The following PPARGC1A variants were observed in gnomAD, a reference collection of about 807,000 sequenced individuals.
The protein encoded by PPARGC1A is PPARG coactivator 1 alpha.
PPARGC1A carries 25 observed loss-of-function variants against 88.7 expected under a neutral mutation model. The ratio of observed to expected loss-of-function variants is 0.28; its 90% CI spans 0.21 to 0.39. The LOEUF is 0.39. PPARGC1A is among the 10% of genes least tolerant of loss of function. PPARGC1A has a pLI of 1.00. For synonymous variants in PPARGC1A, 363 were observed against 355.6 expected, an observed-to-expected ratio of 1.02 and a Z score of -0.24; for missense variants, 880 against 968.7, an observed-to-expected ratio of 0.91 and a Z score of 1.22.
chr4:23,868,602 C>T (rs1202121030), intron 2 of PPARGC1A, among the ~76,000 whole-genome samples: 2 of 152,170 alleles, frequency 1.3e-5, no homozygotes, highest in Non-Finnish European at 2.9e-5. Flanking sequence ...AGCCAAAAAG[C>T]TATTACTTAG....
At chr4:24,055,240 G>C in the PPARGC1A span, among the ~76,000 whole-genome samples, 1 of 152,172 alleles carries the variant, frequency 6.6e-6, no homozygotes, top group Non-Finnish European at 1.5e-5. Context: ...CCACAGTTCT[G>C]TTTCATGGGC....
chr4:23,967,264 T>C, the PPARGC1A span, among the ~76,000 whole-genome samples: 1 of 152,120 alleles, frequency 6.6e-6, no homozygotes, highest in East Asian at 1.9e-4. Context: ...ATTAAAGCAA[T>C]GACAATCCAC....
At chr4:24,286,721 C>T in the PPARGC1A span, among the ~76,000 whole-genome samples, 1 of 152,198 alleles carries the variant, frequency 6.6e-6, no homozygotes, top group East Asian at 1.9e-4. Flanking sequence ...TAACAAATCA[C>T]CCCAAACTTT....
intron 2 of PPARGC1A, among the ~76,000 whole-genome samples, chr4:23,856,462 G>C (rs1730215173): frequency 6.6e-6 from 1 of 152,234 alleles, no homozygotes; most frequent in Non-Finnish European, 1.5e-5. Context: ...GACACTCGGA[G>C]AAGTCACATT....
the PPARGC1A span, among the ~76,000 whole-genome samples, chr4:24,008,011 G>C: frequency 1.3e-5 from 2 of 152,166 alleles, no homozygotes; most frequent in Admixed American, 6.5e-5. Context: ...AATACCCAGA[G>C]AATGAGGTCA....
Position 23,794,281 on chromosome 4 carries a change from A to G in PPARGC1A, c.*1541T>C, listed in dbSNP as rs1262838776. On this transcript the variant is annotated 3_prime_UTR_variant, in exon 13 of 13. Transcript: ENST00000264867. ...TTGAGAGACTTTACATAAAATCATG[A>G]TATCTTCTAGAAAAATTTTAGATGA... The G allele has an allele frequency of 1.3e-5, 2 of 152,610 alleles. No individual in the cohort carries two copies. The highest frequency in any genetic ancestry group is 6.6e-5 in the Admixed American group (1 of 15,264). 9.5% of individuals were successfully genotyped at this position (152,610 alleles called of 1,614,324 possible). A position where few individuals can be genotyped will look rare whatever the true frequency, so the allele number is the denominator to read the frequency against.
At chr4:24,252,626 T>C in the PPARGC1A span, among the ~76,000 whole-genome samples, 6 of 152,238 alleles carry the variant, frequency 3.9e-5, no homozygotes, top group Non-Finnish European at 8.8e-5. Context: ...GCTATTCCAA[T>C]GGAATATGAG....
At chr4:24,378,903 T>C in the PPARGC1A span, among the ~76,000 whole-genome samples, 2 of 152,202 alleles carry the variant, frequency 1.3e-5, no homozygotes, top group South Asian at 2.1e-4. Context: ...TTATCAATAC[T>C]GCTTTTACAA....
Position 23,795,059 on chromosome 4 carries a change from G to A in PPARGC1A, c.*763C>T, listed in dbSNP as rs1299357680. The A allele has an allele frequency of 2.6e-5, 4 of 151,134 alleles. No homozygotes were observed. Among genetic ancestry groups the A allele is most frequent in the Non-Finnish European group, 5.9e-5 (4 of 67,702 alleles). The allele number at this position is 151,134 out of a possible 1,614,324, so 9.4% of individuals were successfully genotyped here. On this transcript the variant is annotated 3_prime_UTR_variant, in exon 13 of 13. Transcript: ENST00000264867. ...AAAGGAAAAAGAAAAAAAAAAGAGAGAGAGAGAGAGAGAGAGAGAGACAGG... is the reference window on the plus strand; with the variant it reads ...AAAGGAAAAAGAAAAAAAAAAGAGAAAGAGAGAGAGAGAGAGAGAGACAGG...
At chr4:24,401,134 T>C in the PPARGC1A span, among the ~76,000 whole-genome samples, 65 of 151,304 alleles carry the variant, frequency 4.3e-4, no homozygotes, top group African/African-American at 1.6e-3. Flanking sequence ...TTCTCCTGCT[T>C]CAGCCTCCCG....
the PPARGC1A span, among the ~76,000 whole-genome samples, chr4:23,914,988 A>G: frequency 1.3e-5 from 2 of 152,220 alleles, no homozygotes; most frequent in Non-Finnish European, 2.9e-5. Flanking sequence ...TAATTACTGG[A>G]GAAACCTACC....
intron 2 of PPARGC1A, among the ~76,000 whole-genome samples, chr4:23,866,934 T>C (rs1163567759): frequency 6.6e-6 from 1 of 152,178 alleles, no homozygotes; most frequent in East Asian, 1.9e-4. Flanking sequence ...AACTGCGGAG[T>C]GCAATGTAGA....
At chr4:24,232,619 A>G in the PPARGC1A span, among the ~76,000 whole-genome samples, 17 of 152,354 alleles carry the variant, frequency 1.1e-4, no homozygotes, top group African/African-American at 3.4e-4. Flanking sequence ...ACAGGGATGC[A>G]CAATACATAA....
At chr4:24,419,485 G>C in the PPARGC1A span, among the ~76,000 whole-genome samples, 1 of 146,560 alleles carries the variant, frequency 6.8e-6, no homozygotes, top group African/African-American at 2.5e-5. Context: ...AGAATCCAAA[G>C]AACCCTACAA....
At chr4:24,191,009 A>G in the PPARGC1A span, among the ~76,000 whole-genome samples, 1 of 152,178 alleles carries the variant, frequency 6.6e-6, no homozygotes, top group Non-Finnish European at 1.5e-5. Flanking sequence ...ATTCCACGAG[A>G]TAAAAGGACT....
the PPARGC1A span, among the ~76,000 whole-genome samples, chr4:24,323,256 A>T: frequency 6.6e-6 from 1 of 152,228 alleles, no homozygotes; most frequent in Non-Finnish European, 1.5e-5. Context: ...CTGAAGATAA[A>T]TGATGAGAAG....
chr4:23,839,809 G>GAA (rs34249630), intron 2 of PPARGC1A, among the ~76,000 whole-genome samples: 126,272 of 151,748 alleles, frequency 0.83, 52,694 homozygotes, highest in African/African-American at 0.88. Flanking sequence ...GAAAAAAAAA[G>GAA]AAGTTTGTGC....
chr4:23,884,514 C>G, intron 2 of PPARGC1A: 1 of 433,574 alleles, frequency 2.3e-6, no homozygotes, highest in Non-Finnish European at 4.0e-6. Flanking sequence ...TTAACTCACT[C>G]ACAGTTGTTG....
chr4:23,883,759 T>C (rs1179014897), intron 2 of PPARGC1A: 1 of 152,236 alleles, frequency 6.6e-6, no homozygotes, highest in Non-Finnish European at 1.5e-5. Context: ...CAAACATTTA[T>C]TCAGCATGTA....
Sources: allele counts gnomAD v4.1 joint callset (sites outside exome capture counted in the v4.1 genomes callset), GRCh38; gene constraint gnomAD v4.1.1; transcripts MANE v1.5; gene names NCBI Gene and HGNC (gene_info 2026-07-23, HGNC 2026-07-21).